The following GABRA3 variants were observed in gnomAD, a reference collection of about 807,000 sequenced individuals.
The protein encoded by GABRA3 is gamma-aminobutyric acid receptor subunit alpha-3.
Under a neutral mutation model 30.1 loss-of-function variants are expected in GABRA3, and 10 were observed. The observed-to-expected ratio is 0.33, with a 90% CI of 0.20 to 0.56. The LOEUF (loss-of-function observed/expected upper bound fraction) is 0.56. GABRA3 is among the 20% of genes least tolerant of loss of function. The pLI is 0.89. For synonymous variants in GABRA3, 151 were observed against 146.8 expected (o/e 1.03, Z -0.21); for missense variants, 233 against 392.0 (o/e 0.59, Z 3.42).
At position 152,296,765 on chromosome X, in the gene GABRA3, T is replaced by C. The variant is rs769362051; in HGVS notation, c.263-12030A>G. 5.5e-5 allele frequency among the ~76,000 whole-genome samples: 6 copies of C among 109,035 alleles called. No individual in the cohort carries two copies. In the East Asian group the frequency reaches 8.7e-4, roughly 16 times the overall value. 94.7% of individuals were successfully genotyped at this position (109,035 alleles called of 115,157 possible). A position where few individuals can be genotyped will look rare whatever the true frequency, so the allele number is the denominator to read the frequency against. Reference sequence around the variant, plus strand: ...CCCAGGCTGGAATGCAGTGGCATGATCTTGGCTCACTGCAACCTCCATCTC... The same window carrying C: ...CCCAGGCTGGAATGCAGTGGCATGACCTTGGCTCACTGCAACCTCCATCTC... On this transcript the variant is annotated intron_variant, in intron 3 of 9. Coordinates refer to ENST00000370314, the MANE Select transcript of GABRA3 (RefSeq NM_000808.4).
intron 9 of GABRA3, among the ~76,000 whole-genome samples, chrX:152,170,023 G>C (rs111931511): frequency 2.0e-3 from 225 of 111,796 alleles, no homozygotes; most frequent in African/African-American, 6.6e-3. Context: ...ATGCGTACTG[G>C]GCCAAGAACT....
chrX:152,168,069 T>A lies in GABRA3; in HGVS notation c.*159A>T, dbSNP rs1460082225. 1 of 459,497 alleles carries A rather than the reference T, an allele frequency of 2.2e-6. No homozygotes were observed. Among genetic ancestry groups the A allele is most frequent in the African/African-American group, 2.5e-5 (1 of 40,711 alleles). The allele number at this position is 459,497 out of a possible 1,213,427, so 37.9% of individuals were successfully genotyped here. ...GGGACAAGTAATTTTTCTGTAGTTA[T>A]TTTTTGCGTAGAGATTCATAAATAT... On this transcript the variant is annotated 3_prime_UTR_variant, in exon 10 of 10. Coordinates refer to ENST00000370314, the MANE Select transcript of GABRA3 (RefSeq NM_000808.4).
In GABRA3 at chrX:152,276,689, A is replaced by G. The variant is rs1461699361; in HGVS notation, c.330+7979T>C. 3.6e-5 allele frequency among the ~76,000 whole-genome samples: 4 copies of G among 112,219 alleles called. No homozygotes were observed. The East Asian group carries it at 1.1e-3, about 31-fold the overall frequency. On this transcript the variant is annotated intron_variant, in intron 4 of 9. Transcript: ENST00000370314. ...AATGTAATAATCTTTGATAGTTAAA[A>G]TAAATGAATTAGAGTAAAATACACA...
chrX:152,237,936 A>C (rs1603221507), intron 5 of GABRA3, among the ~76,000 whole-genome samples: 1 of 110,994 alleles, frequency 9.0e-6, no homozygotes, highest in South Asian at 3.9e-4. Context: ...TGTCATCTGC[A>C]AACAGGGACA....
At chrX:152,291,237 T>C (rs1333738573) in intron 3 of GABRA3, among the ~76,000 whole-genome samples, 2 of 111,736 alleles carry the variant, frequency 1.8e-5, no homozygotes, top group Non-Finnish European at 3.8e-5. Context: ...TCACATCTCT[T>C]GTAAGTTGGA....
chrX:152,285,442 T>C (rs958321302), intron 3 of GABRA3, among the ~76,000 whole-genome samples: 2 of 111,547 alleles, frequency 1.8e-5, no homozygotes, highest in African/African-American at 3.3e-5. Flanking sequence ...CTTTCCTTCA[T>C]TGTAACCATT....
At chrX:152,408,322 C>G (rs1164748905) in intron 1 of GABRA3, among the ~76,000 whole-genome samples, 1 of 110,182 alleles carries the variant, frequency 9.1e-6, no homozygotes, top group African/African-American at 3.3e-5. Context: ...TGTTAAAAAC[C>G]AAAAGATTCT....
rs530891273 is a variant in GABRA3 at position 152,280,322 on chromosome X, A to G, written c.330+4346T>C. On this transcript the variant is annotated intron_variant, in intron 4 of 9. Transcript: ENST00000370314. Reference sequence around the variant, plus strand: ...CATCTGCAATGCCATATCCTGTGGAATAAGAATAAATTGACAGCCTAAAAT... The same window carrying G: ...CATCTGCAATGCCATATCCTGTGGAGTAAGAATAAATTGACAGCCTAAAAT... Among the ~76,000 whole-genome samples the G allele has an allele frequency of 1.6e-4, 18 of 111,717 alleles. No homozygotes were observed. The South Asian group carries it at 6.4e-3, about 40-fold the overall frequency.
chrX:152,306,146 C>A (rs761912722), intron 3 of GABRA3, among the ~76,000 whole-genome samples: 27 of 112,008 alleles, frequency 2.4e-4, no homozygotes, highest in African/African-American at 8.7e-4. Context: ...CACAGCTATA[C>A]CCTGTCAAAT....
intron 5 of GABRA3, among the ~76,000 whole-genome samples, chrX:152,225,416 ACG>A (rs1556765921): frequency 1.6e-5 from 1 of 62,134 alleles, no homozygotes; most frequent in Admixed American, 2.3e-4. Context: ...ACACACACAC[ACG>A]CACACACACA....
rs201226506 is a variant in GABRA3 at position 152,167,979 on chromosome X, T to C, written c.*249A>G. 3 of 396,710 alleles carry C rather than the reference T, an allele frequency of 7.6e-6. No individual in the cohort carries two copies. The South Asian group carries it at 1.5e-4, about 19-fold the overall frequency. The allele number at this position is 396,710 out of a possible 1,213,427, so 32.7% of individuals were successfully genotyped here. A position where few individuals can be genotyped will look rare whatever the true frequency, so the allele number is the denominator to read the frequency against. On this transcript the variant is annotated 3_prime_UTR_variant, in exon 10 of 10. Transcript: ENST00000370314. ...CCTCAGCTAGGGGAGATTGGCAGACTAAGATGAGCAACTGGACAAATGGCA... is the reference window on the plus strand; with the variant it reads ...CCTCAGCTAGGGGAGATTGGCAGACCAAGATGAGCAACTGGACAAATGGCA...
intron 3 of GABRA3, among the ~76,000 whole-genome samples, chrX:152,296,064 A>G (rs1939523341): frequency 8.9e-6 from 1 of 112,464 alleles, no homozygotes; most frequent in Non-Finnish European, 1.9e-5. Flanking sequence ...TCACAATGCC[A>G]TTCTAAGGAT....
chrX:152,430,946 A>G (rs1602726718), intron 1 of GABRA3, among the ~76,000 whole-genome samples: 1 of 111,013 alleles, frequency 9.0e-6, no homozygotes, highest in East Asian at 2.8e-4. Context: ...ATGAGAGGGA[A>G]AGAAAGAATA....
chrX:152,275,674 G>A (rs990610427), intron 4 of GABRA3, among the ~76,000 whole-genome samples: 4 of 107,928 alleles, frequency 3.7e-5, no homozygotes, highest in Non-Finnish European at 7.6e-5. Context: ...CAGGAGAATC[G>A]CTTGAACCTG....
chrX:152,348,145 C>T, intron 2 of GABRA3, among the ~76,000 whole-genome samples: 1 of 111,430 alleles, frequency 9.0e-6, no homozygotes, highest in Non-Finnish European at 1.9e-5. Flanking sequence ...ATTTAATCTG[C>T]GACCTAAGTA....
Position 152,263,123 on chromosome X carries a change from T to C in GABRA3, c.331-7125A>G, listed in dbSNP as rs146082665. The stretch of plus-strand genomic sequence containing the variant: ...AACAGCATGAGAGTAAGCACCCCCA[T>C]GATTCAATTACCTCCAACCGGGTCC... On this transcript the variant is annotated intron_variant, in intron 4 of 9. Transcript: ENST00000370314. Among the ~76,000 whole-genome samples, 653 of 111,036 alleles carry C rather than the reference T, an allele frequency of 5.9e-3. 3 individuals carry two copies. In the Middle Eastern group the frequency reaches 0.07, roughly 12 times the overall value.
At chrX:152,181,648 AC>A (rs1324703078) in intron 9 of GABRA3, among the ~76,000 whole-genome samples, 1 of 109,244 alleles carries the variant, frequency 9.2e-6, no homozygotes, top group Admixed American at 9.9e-5. Flanking sequence ...AGGAAGGGGA[AC>A]ATCACACTCT....
At chrX:152,392,648 T>C (rs1371496236) in intron 1 of GABRA3, among the ~76,000 whole-genome samples, 2 of 112,003 alleles carry the variant, frequency 1.8e-5, no homozygotes, top group Non-Finnish European at 3.8e-5. Flanking sequence ...TGAATGATTA[T>C]TTCAAATGTA....
At chrX:152,344,194 A>G (rs1476078787) in intron 3 of GABRA3, among the ~76,000 whole-genome samples, 1 of 112,078 alleles carries the variant, frequency 8.9e-6, no homozygotes, top group Admixed American at 9.5e-5. Context: ...GTCATGCCAT[A>G]TAATAAGAAA....
Sources: allele counts gnomAD v4.1 joint callset (sites outside exome capture counted in the v4.1 genomes callset), GRCh38; gene constraint gnomAD v4.1.1; transcripts MANE v1.5; gene names NCBI Gene and HGNC (gene_info 2026-07-23, HGNC 2026-07-21).